The following TTC27 variants were observed in gnomAD, a reference collection of about 807,000 sequenced individuals.
TTC27 encodes the protein tetratricopeptide repeat domain 27.
A neutral mutation model predicts 115.9 loss-of-function variants in TTC27; 79 were observed. The observed-to-expected ratio is 0.68, with a 90% CI of 0.57 to 0.82. The LOEUF is 0.82. TTC27 is among the 40% of genes least tolerant of loss of function. The pLI, the probability that TTC27 is intolerant of heterozygous loss-of-function variation, is 0.00. For synonymous variants in TTC27, 401 were observed against 356.0 expected (o/e 1.13, Z -1.42); for missense variants, 1,054 against 993.1 (o/e 1.06, Z -0.82).
At chr2:32,699,574 AT>A (rs1266782567) in intron 9 of TTC27, among the ~76,000 whole-genome samples, 4 of 152,152 alleles carry the variant, frequency 2.6e-5, no homozygotes, top group African/African-American at 4.8e-5. Flanking sequence ...AAACCAACAT[AT>A]TTCCTGTTTA....
In TTC27 at chr2:32,678,918, C is replaced by T. The variant is rs769305829; in HGVS notation, c.1115C>T (p.Thr372Ile). The change falls in exon 9 of 20, where the codon ACA becomes ATA. Residue 372 changes from threonine to isoleucine, a missense_variant. Physicochemically the swap from Thr to Ile is moderately conservative, Grantham distance 89. Coordinates refer to ENST00000317907, the MANE Select transcript of TTC27 (RefSeq NM_017735.5). The part of the protein sequence containing the change: ...TLTEVELLAF[T>I]SCLLSQPKFW... Reference sequence around the variant, plus strand: ...ACTGAAGTGGAGCTTCTGGCATTTACATCAGTGAGTAATGTCTTTTTCTCT... The same window carrying T: ...ACTGAAGTGGAGCTTCTGGCATTTATATCAGTGAGTAATGTCTTTTTCTCT... 6.2e-6 allele frequency: 10 copies of T among 1,612,488 alleles called. No homozygotes were observed. Among genetic ancestry groups the T allele is most frequent in the East Asian group, 2.2e-5 (1 of 44,820 alleles).
At chr2:32,688,478 G>T (rs1572516882) in intron 9 of TTC27, among the ~76,000 whole-genome samples, 1 of 152,042 alleles carries the variant, frequency 6.6e-6, no homozygotes, top group African/African-American at 2.4e-5. Flanking sequence ...TTAAGAAAAT[G>T]AAAACACCAG....
chr2:32,762,668 C>G (rs754845372), intron 13 of TTC27, among the ~76,000 whole-genome samples: 4 of 151,398 alleles, frequency 2.6e-5, no homozygotes, highest in Non-Finnish European at 4.4e-5. Flanking sequence ...GAGTCTCGCT[C>G]TGTCACCCAG....
chr2:32,709,880 A>ATTCAGTTTACAGT (rs946522802), intron 10 of TTC27, among the ~76,000 whole-genome samples: 1 of 152,252 alleles, frequency 6.6e-6, no homozygotes, highest in Non-Finnish European at 1.5e-5. Flanking sequence ...TTTATTAAAA[A>ATTCAGTTTACAGT]TTCAGTTTAC....
intron 16 of TTC27, among the ~76,000 whole-genome samples, chr2:32,799,721 A>G (rs897434625): frequency 2.6e-5 from 4 of 152,250 alleles, no homozygotes; most frequent in African/African-American, 9.6e-5. Context: ...CATCTGCTGC[A>G]GGAATGAAAT....
intron 9 of TTC27, among the ~76,000 whole-genome samples, chr2:32,691,491 G>A (rs1416123788): frequency 6.6e-6 from 1 of 151,800 alleles, no homozygotes; most frequent in Non-Finnish European, 1.5e-5. Flanking sequence ...TAGAGACGGG[G>A]TTTCATCATG....
intron 7 of TTC27, among the ~76,000 whole-genome samples, chr2:32,671,303 C>G (rs201732373): frequency 2.3e-5 from 3 of 131,694 alleles, no homozygotes; most frequent in Non-Finnish European, 5.0e-5. Flanking sequence ...ATTTTTTTTT[C>G]CAAATGGATA....
At chr2:32,801,695 C>T (rs1670946313) in intron 16 of TTC27, among the ~76,000 whole-genome samples, 1 of 152,086 alleles carries the variant, frequency 6.6e-6, no homozygotes, top group African/African-American at 2.4e-5. Flanking sequence ...GGAGTAGATC[C>T]AATACCTCAC....
At chr2:32,657,143 G>A (rs145460652) in intron 5 of TTC27, among the ~76,000 whole-genome samples, 463 of 151,904 alleles carry the variant, frequency 3.0e-3, no homozygotes, top group African/African-American at 9.4e-3. Context: ...CCACCACCGT[G>A]CCCGGCTAAT....
At chr2:32,813,276 A>G (rs746435975) in intron 18 of TTC27, among the ~76,000 whole-genome samples, 7 of 152,340 alleles carry the variant, frequency 4.6e-5, no homozygotes, top group Middle Eastern at 3.4e-3. Flanking sequence ...ACTGAATCAC[A>G]AAGACCTTAC....
At position 32,817,071 on chromosome 2, in the gene TTC27, T is replaced by C. The variant is rs116158077; in HGVS notation, c.2309-386T>C. ...AAAAATCACCTGTTTTTCCCAAAAT[T>C]CCCTGGAGCAGTAAATTACCATTCT... is the stretch of plus-strand genomic sequence containing the variant. On this transcript the variant is annotated intron_variant, in intron 18 of 19. Transcript: ENST00000317907. Among the ~76,000 whole-genome samples, 1,236 of 152,192 alleles carry C rather than the reference T, an allele frequency of 8.1e-3. 9 individuals carry two copies. The highest frequency in any genetic ancestry group is 0.013 in the Non-Finnish European group (899 of 68,004).
chr2:32,785,452 G>C (rs966370869), intron 15 of TTC27, among the ~76,000 whole-genome samples: 3 of 151,940 alleles, frequency 2.0e-5, no homozygotes, highest in African/African-American at 7.2e-5. Context: ...GTATGTTTGA[G>C]TCTTACCTCT....
At chr2:32,713,267 T>C (rs953627091) in intron 10 of TTC27, among the ~76,000 whole-genome samples, 1 of 152,148 alleles carries the variant, frequency 6.6e-6, no homozygotes, top group African/African-American at 2.4e-5. Context: ...CATTTTATAA[T>C]CCAAATGTGA....
At chr2:32,785,421 A>G (rs1028146148) in intron 15 of TTC27, among the ~76,000 whole-genome samples, 6 of 152,010 alleles carry the variant, frequency 3.9e-5, no homozygotes, top group Admixed American at 6.6e-5. Context: ...GCATTTGTTT[A>G]CTGTAGAATC....
intron 9 of TTC27, among the ~76,000 whole-genome samples, chr2:32,688,062 A>G (rs1366092431): frequency 2.6e-5 from 4 of 152,192 alleles, no homozygotes; most frequent in African/African-American, 7.2e-5. Context: ...TAAATGAAGA[A>G]TAAATGAATA....
intron 18 of TTC27, among the ~76,000 whole-genome samples, chr2:32,815,492 C>A (rs1214505105): frequency 6.6e-6 from 1 of 152,058 alleles, no homozygotes; most frequent in Non-Finnish European, 1.5e-5. Context: ...CCGCCTCAGC[C>A]TCCCAAAGTG....
intron 8 of TTC27, among the ~76,000 whole-genome samples, chr2:32,677,697 C>T (rs1271973255): frequency 6.6e-6 from 1 of 152,152 alleles, no homozygotes; most frequent in Non-Finnish European, 1.5e-5. Context: ...GATTCATTCG[C>T]CTGCCTCAGC....
At chr2:32,640,541 A>G in intron 4 of TTC27, 131 bp downstream of exon 4, 1 of 969,570 alleles carries the variant, frequency 1.0e-6, no homozygotes, top group Non-Finnish European at 1.5e-6. Flanking sequence ...GTAATTTAAA[A>G]ATCTGATGAA....
intron 15 of TTC27, 114 bp downstream of exon 15, chr2:32,782,792 A>G (rs1670224897): frequency 5.3e-6 from 4 of 755,120 alleles, no homozygotes; most frequent in South Asian, 2.3e-5. Context: ...TCGCCCATGT[A>G]TATGAAATAG....
Sources: gnomAD v4.1 joint callset for allele counts (sites outside exome capture counted in the v4.1 genomes callset) on GRCh38, gnomAD v4.1.1 for gene constraint, MANE v1.5 for transcripts, NCBI Gene and HGNC (gene_info 2026-07-23, HGNC 2026-07-21) for gene names.